CXCL16: variants seen among roughly 807,000 people sequenced by gnomAD.
CXCL16 encodes C-X-C motif chemokine 16.
Under a neutral mutation model 23.8 loss-of-function variants are expected in CXCL16, and 18 were observed. That is an observed-to-expected ratio of 0.76 (90% CI 0.52 to 1.12). The LOEUF is 1.12. CXCL16 is among the 50% of genes most tolerant of loss of function. The pLI is 0.00. For synonymous variants in CXCL16, 123 were observed against 132.5 expected, an observed-to-expected ratio of 0.93 and a Z score of 0.49; for missense variants, 297 against 315.4, an observed-to-expected ratio of 0.94 and a Z score of 0.44.
In CXCL16 at chr17:4,739,091, C is replaced by A; in HGVS notation, c.79+170G>T. 1 of 1,189,052 alleles carries A rather than the reference C, an allele frequency of 8.4e-7. No homozygotes were observed. Among genetic ancestry groups the A allele is most frequent in the Non-Finnish European group, 1.2e-6 (1 of 856,598 alleles). The allele number at this position is 1,189,052 out of a possible 1,614,324, so 73.7% of individuals were successfully genotyped here. A position where few individuals can be genotyped will look rare whatever the true frequency, so the allele number is the denominator to read the frequency against. On this transcript the variant is annotated intron_variant, in intron 1 of 5. Transcript: ENST00000293778. This position sits in a 1 kb window ranked among gnomAD's most constrained non-coding sequence, Gnocchi z 5.3. ...CCCCGACAACATCCATAATCCCGCC[C>A]GGAGCCAGGCGTCCCCGGGCCTCTG...
At chr17:4,736,871 T>C (rs1916168497) in intron 3 of CXCL16, among the ~76,000 whole-genome samples, 2 of 152,132 alleles carry the variant, frequency 1.3e-5, no homozygotes. Flanking sequence ...CAGGCTGGAG[T>C]GCAATGGCCT....
In CXCL16 at chr17:4,739,712, G is replaced by T; in HGVS notation, c.-373C>A. 1.0e-6 allele frequency: 1 copy of T among 960,280 alleles called. No homozygotes were observed. The highest frequency in any genetic ancestry group is 2.2e-5 in the South Asian group (1 of 45,434). 59.5% of individuals were successfully genotyped at this position (960,280 alleles called of 1,614,324 possible). A position where few individuals can be genotyped will look rare whatever the true frequency, so the allele number is the denominator to read the frequency against. ...GGACGACGGCCCGAGGAGCCGATTC[G>T]GTTCGGTTCAGGAGGCCGCCCGCCT... On this transcript the variant is annotated 5_prime_UTR_variant, in exon 1 of 6. Coordinates refer to ENST00000293778, the MANE Select transcript of CXCL16 (RefSeq NM_001386809.1). The surrounding 1 kb of genome is among the most constrained non-coding windows in gnomAD (Gnocchi z 5.3).
In CXCL16 at chr17:4,734,494, A is replaced by G. The variant is rs770583209; in HGVS notation, c.*24-15T>C. 3 of 875,866 alleles carry G rather than the reference A, an allele frequency of 3.4e-6. No homozygotes were observed. Among genetic ancestry groups the G allele is most frequent in the Non-Finnish European group, 5.5e-6 (3 of 542,064 alleles). 54.3% of individuals were successfully genotyped at this position (875,866 alleles called of 1,614,324 possible). On this transcript the variant is annotated splice_polypyrimidine_tract_variant and intron_variant, in intron 5 of 5. Coordinates refer to ENST00000293778, the MANE Select transcript of CXCL16 (RefSeq NM_001386809.1). ...AGAGTCCGTCTCTAAAAAACAAAAA[A>G]CAAAAACAAGTATGTATACAGTGCC... is the stretch of plus-strand genomic sequence containing the variant.
At position 4,734,672 on chromosome 17, in the gene CXCL16, T is replaced by C. The variant is rs1198825121; in HGVS notation, c.719-20A>G. ...GCAGATCTGGAAAGGATAAAGAAAT[T>C]GAGAGATGAGCTCTGAGATCAAGGA... On this transcript the variant is annotated intron_variant, in intron 4 of 5. Transcript: ENST00000293778. The C allele has an allele frequency of 2.5e-6, 4 of 1,600,178 alleles. No individual in the cohort carries two copies. Among genetic ancestry groups the C allele is most frequent in the Non-Finnish European group, 3.4e-6 (4 of 1,167,638 alleles).
intron 3 of CXCL16, 40 bp from the exon 4 acceptor site, chr17:4,735,548 A>C: frequency 6.8e-7 from 1 of 1,472,830 alleles, no homozygotes; most frequent in Non-Finnish European, 9.0e-7. Flanking sequence ...CTATCAGGAG[A>C]CAAGGTGAAA....
intron 3 of CXCL16, among the ~76,000 whole-genome samples, chr17:4,737,900 G>A (rs1339793845): frequency 6.6e-6 from 1 of 151,170 alleles, no homozygotes; most frequent in African/African-American, 2.4e-5. Context: ...TGGAGGCCGA[G>A]GCGGGTGGAT....
chr17:4,734,743 C>T, intron 4 of CXCL16, 91 bp from the exon 5 acceptor site: 1 of 1,103,004 alleles, frequency 9.1e-7, no homozygotes, highest in Non-Finnish European at 1.4e-6. Context: ...CAGATGAAGA[C>T]ATCAACACTA....
At chr17:4,737,511 CG>C (rs1916188073) in intron 3 of CXCL16, among the ~76,000 whole-genome samples, 1 of 129,220 alleles carries the variant, frequency 7.7e-6, no homozygotes, top group Admixed American at 9.4e-5. Flanking sequence ...ACCTGGGAGG[CG>C]GAGGCTGCAG....
At position 4,738,137 on chromosome 17, in the gene CXCL16, T is replaced by C. The variant is rs1262977347; in HGVS notation, c.301+271A>G. The stretch of plus-strand genomic sequence containing the variant: ...AGAGTGAGACTCCATCTCAAAAAAA[T>C]AAAATAAAATAGTACTTTGATTTCA... On this transcript the variant is annotated intron_variant, in intron 3 of 5. Transcript: ENST00000293778. The surrounding 1 kb of genome is among the most constrained non-coding windows in gnomAD (Gnocchi z 4.0). Among the ~76,000 whole-genome samples, 5 of 151,934 alleles carry C rather than the reference T, an allele frequency of 3.3e-5. No homozygotes were observed. Among genetic ancestry groups the C allele is most frequent in the Non-Finnish European group, 7.4e-5 (5 of 67,976 alleles).
Position 4,739,496 on chromosome 17 carries a change from G to A in CXCL16, c.-157C>T. The A allele has an allele frequency of 1.9e-6, 2 of 1,040,706 alleles. No homozygotes were observed. The highest frequency in any genetic ancestry group is 2.8e-6 in the Non-Finnish European group (2 of 711,324). The allele number at this position is 1,040,706 out of a possible 1,614,324, so 64.5% of individuals were successfully genotyped here. A position where few individuals can be genotyped will look rare whatever the true frequency, so the allele number is the denominator to read the frequency against. On this transcript the variant is annotated 5_prime_UTR_variant, in exon 1 of 6. Coordinates refer to ENST00000293778, the MANE Select transcript of CXCL16 (RefSeq NM_001386809.1). This position sits in a 1 kb window ranked among gnomAD's most constrained non-coding sequence, Gnocchi z 5.3. ...AGGCGCGAGCCAGCTGCACCCCCCG[G>A]CCCTGCTGTGCCCCGACCGTGCGCT...
At position 4,735,176 on chromosome 17, in the gene CXCL16, G is replaced by A. The variant is rs770911684; in HGVS notation, c.634C>T (p.Leu212=). 7 of 1,614,202 alleles carry A rather than the reference G, an allele frequency of 4.3e-6. No individual in the cohort carries two copies. In the South Asian group the frequency reaches 4.4e-5, roughly 10 times the overall value. ...GCGGTGAGGATGAAGATGATGGCCA[G>A]GAGGCACAGGACTGGCACTGTGGCT... is the stretch of plus-strand genomic sequence containing the variant. ...TSATVPVLCL[L]AIIFILTAAL... Residue 212 remains leucine (L), a synonymous_variant, in exon 4 of 6, where the codon CTG becomes TTG. Transcript: ENST00000293778.
chr17:4,735,061 C>A, intron 4 of CXCL16, 31 bp downstream of exon 4: 1 of 1,575,780 alleles, frequency 6.3e-7, no homozygotes, highest in Admixed American at 1.7e-5. Context: ...GCTCTGGGTC[C>A]CTGGGGGGAG....
rs1285529283 is a variant in CXCL16, at chr17:4,738,018, T to C, written c.301+390A>G. 6.6e-6 allele frequency among the ~76,000 whole-genome samples: 1 copy of C among 150,930 alleles called. No individual in the cohort carries two copies. The highest frequency in any genetic ancestry group is 1.9e-4 in the East Asian group (1 of 5,154). ...GGTGGTGCGCGCCTGTAATCCCAGC[T>C]ACTCAGGAGGCTGAGGCAGGAGAAT... On this transcript the variant is annotated intron_variant, in intron 3 of 5. Transcript: ENST00000293778. This position sits in a 1 kb window ranked among gnomAD's most constrained non-coding sequence, Gnocchi z 4.0.
Position 4,738,069 on chromosome 17 carries a change from G to GCCT in CXCL16, c.301+338_301+339insAGG, listed in dbSNP as rs1916212999. Reference sequence around the variant, plus strand: ...CTCTTGAACCTGGGAGGCAGAGGTTGCAGTGAGCCAAGATCGTGCCACTGC... The same window carrying GCCT: ...CTCTTGAACCTGGGAGGCAGAGGTTGCCTCAGTGAGCCAAGATCGTGCCACTGC... On this transcript the variant is annotated intron_variant, in intron 3 of 5. Transcript: ENST00000293778. The surrounding 1 kb of genome is among the most constrained non-coding windows in gnomAD (Gnocchi z 4.0). Among the ~76,000 whole-genome samples, 1 of 105,458 alleles carries GCCT rather than the reference G, an allele frequency of 9.5e-6. No homozygotes were observed. The highest frequency in any genetic ancestry group is 1.2e-4 in the Admixed American group (1 of 8,692). 69.2% of individuals were successfully genotyped at this position (105,458 alleles called of 152,430 possible).
Position 4,738,765 on chromosome 17 carries a change from G to C in CXCL16, c.218+17C>G, listed in dbSNP as rs370529734. ...GGGCCGCCCAGGCGCTGCCCTCGCA[G>C]AGGCAGGTAAAATTACCTCGTGTAG... On this transcript the variant is annotated intron_variant, in intron 2 of 5. Transcript: ENST00000293778. This position sits in a 1 kb window ranked among gnomAD's most constrained non-coding sequence, Gnocchi z 4.0. 11 of 1,612,970 alleles carry C rather than the reference G, an allele frequency of 6.8e-6. No individual in the cohort carries two copies. The African/African-American group carries it at 1.3e-4, about 20-fold the overall frequency.
In CXCL16 at chr17:4,738,515, G is replaced by C; in HGVS notation, c.219-25C>G. 1.9e-6 allele frequency: 3 copies of C among 1,570,648 alleles called. No individual in the cohort carries two copies. The highest frequency in any genetic ancestry group is 2.6e-6 in the Non-Finnish European group (3 of 1,143,378). On this transcript the variant is annotated intron_variant, in intron 2 of 5. Coordinates refer to ENST00000293778, the MANE Select transcript of CXCL16 (RefSeq NM_001386809.1). This position sits in a 1 kb window ranked among gnomAD's most constrained non-coding sequence, Gnocchi z 4.0. ...CCTGCGGAGGAGAGACCTGGGCTTAGCTGCGGCGCCTTCTTTCCTTCCCCG... is the reference window on the plus strand; with the variant it reads ...CCTGCGGAGGAGAGACCTGGGCTTACCTGCGGCGCCTTCTTTCCTTCCCCG...
Position 4,739,784 on chromosome 17 carries a change from T to C in CXCL16, c.-445A>G. The C allele has an allele frequency of 9.7e-7, 1 of 1,028,660 alleles. No individual in the cohort carries two copies. Among genetic ancestry groups the C allele is most frequent in the South Asian group, 3.9e-5 (1 of 25,534 alleles). The allele number at this position is 1,028,660 out of a possible 1,614,324, so 63.7% of individuals were successfully genotyped here. A position where few individuals can be genotyped will look rare whatever the true frequency, so the allele number is the denominator to read the frequency against. ...GGCGGCTGCACTGCCGGACCGGCCC[T>C]CCTCCTCCGAGGCACTTTCACTTCC... On this transcript the variant is annotated 5_prime_UTR_variant, in exon 1 of 6. Transcript: ENST00000293778. This position sits in a 1 kb window ranked among gnomAD's most constrained non-coding sequence, Gnocchi z 5.3.
In CXCL16 at chr17:4,738,508, G is replaced by A. The variant is rs1328849635; in HGVS notation, c.219-18C>T. 6.3e-7 allele frequency: 1 copy of A among 1,589,282 alleles called. No homozygotes were observed. Among genetic ancestry groups the A allele is most frequent in the South Asian group, 1.1e-5 (1 of 90,094 alleles). On this transcript the variant is annotated intron_variant, in intron 2 of 5. Coordinates refer to ENST00000293778, the MANE Select transcript of CXCL16 (RefSeq NM_001386809.1). This position sits in a 1 kb window ranked among gnomAD's most constrained non-coding sequence, Gnocchi z 4.0. ...GCTGGAACCTGCGGAGGAGAGACCT[G>A]GGCTTAGCTGCGGCGCCTTCTTTCC...
chr17:4,736,267 C>CAGAA (rs111692877), intron 3 of CXCL16: 149,531 of 152,072 alleles, frequency 0.98, 73,563 homozygotes, highest in East Asian at 1. Context: ...CACAGAAAAA[C>CAGAA]AGAGCAGAGT....
Sources: gnomAD v4.1 joint callset for allele counts (sites outside exome capture counted in the v4.1 genomes callset) on GRCh38, gnomAD v4.1.1 for gene constraint, Gnocchi (gnomAD v3.1) non-coding constraint, MANE v1.5 for transcripts, NCBI Gene and HGNC (gene_info 2026-07-23, HGNC 2026-07-21) for gene names.